Variants in TGFA observed in about 807,000 individuals in gnomAD.
TGFA encodes the protein transforming growth factor alpha.
In TGFA, 12 loss-of-function variants were observed where a neutral mutation model predicts 21.7. That is an observed-to-expected ratio of 0.55 (90% CI 0.35 to 0.90). The LOEUF (loss-of-function observed/expected upper bound fraction) is 0.90, where lower values mean the gene tolerates loss of function less well. Among genes scored for constraint, TGFA ranks in the 40% least tolerant of loss-of-function variants. TGFA has a pLI of 0.01. For synonymous variants in TGFA, 79 were observed against 88.1 expected, an observed-to-expected ratio of 0.90 and a Z score of 0.58; for missense variants, 178 against 210.8, an observed-to-expected ratio of 0.84 and a Z score of 0.96.
At chr2:70,483,123 T>G (rs1032726333) in intron 2 of TGFA, among the ~76,000 whole-genome samples, 18 of 152,254 alleles carry the variant, frequency 1.2e-4, no homozygotes, top group African/African-American at 4.3e-4. Flanking sequence ...TCATGTGCCT[T>G]GTTGAACTCA....
intron 2 of TGFA, among the ~76,000 whole-genome samples, chr2:70,504,406 TACCAAA>T (rs1167923987): frequency 1.7e-5 from 2 of 117,456 alleles, no homozygotes; most frequent in Admixed American, 1.9e-4. Flanking sequence ...CAAGACTCTG[TACCAAA>T]ACCAAAAACA....
At chr2:70,545,395 T>C (rs1363504297) in intron 1 of TGFA, among the ~76,000 whole-genome samples, 1 of 152,192 alleles carries the variant, frequency 6.6e-6, no homozygotes, top group Non-Finnish European at 1.5e-5. Context: ...TTAGTTCCTA[T>C]GCCACAGTAT....
At chr2:70,529,594 CG>C (rs1553503444) in intron 1 of TGFA, among the ~76,000 whole-genome samples, 105 of 134,342 alleles carry the variant, frequency 7.8e-4, no homozygotes, top group African/African-American at 3.6e-3. Context: ...TGAATCCCCC[CG>C]CCCCAGTCCT....
intron 4 of TGFA, among the ~76,000 whole-genome samples, chr2:70,454,479 C>T (rs1670164999): frequency 6.6e-6 from 1 of 152,248 alleles, no homozygotes; most frequent in East Asian, 1.9e-4. Flanking sequence ...GGAAACAGTA[C>T]ATCCCATGCC....
intron 2 of TGFA, among the ~76,000 whole-genome samples, chr2:70,500,459 T>TA (rs59778317): frequency 0.32 from 46,710 of 148,128 alleles, 9,085 homozygotes; most frequent in African/African-American, 0.55. Context: ...AAGCAGAGTT[T>TA]AAAAAAAAAA....
intron 4 of TGFA, among the ~76,000 whole-genome samples, chr2:70,455,986 G>A (rs1264096229): frequency 6.6e-6 from 1 of 152,230 alleles, no homozygotes; most frequent in African/African-American, 2.4e-5. Flanking sequence ...TGGTGCTGAT[G>A]GAAGGAGGCT....
intron 2 of TGFA, among the ~76,000 whole-genome samples, chr2:70,495,349 G>A (rs1332537596): frequency 6.6e-6 from 1 of 152,110 alleles, no homozygotes; most frequent in Non-Finnish European, 1.5e-5. Context: ...AATATTTGGA[G>A]GTACAAATCC....
intron 2 of TGFA, among the ~76,000 whole-genome samples, chr2:70,490,473 C>T (rs1671398901): frequency 6.6e-6 from 1 of 152,232 alleles, no homozygotes; most frequent in Admixed American, 6.5e-5. Context: ...GGATAATGCG[C>T]TTTGCACTGC....
At chr2:70,491,070 A>G (rs1382005055) in intron 2 of TGFA, among the ~76,000 whole-genome samples, 1 of 152,216 alleles carries the variant, frequency 6.6e-6, no homozygotes, top group Non-Finnish European at 1.5e-5. Flanking sequence ...CAGAGGCAGC[A>G]CAGAGTTCAC....
intron 1 of TGFA, among the ~76,000 whole-genome samples, chr2:70,524,632 G>T (rs192404054): frequency 6.6e-6 from 1 of 152,370 alleles, no homozygotes; most frequent in East Asian, 1.9e-4. Context: ...CAGCTGACTG[G>T]CACTGTGACA....
chr2:70,533,331 C>T (rs1380211833), intron 1 of TGFA, among the ~76,000 whole-genome samples: 2 of 152,050 alleles, frequency 1.3e-5, no homozygotes, highest in Admixed American at 6.5e-5. Flanking sequence ...CCTACCCCCA[C>T]CCCCCAACAC....
intron 2 of TGFA, among the ~76,000 whole-genome samples, chr2:70,476,246 T>C (rs1553494353): frequency 1.3e-5 from 2 of 152,218 alleles, no homozygotes; most frequent in African/African-American, 4.8e-5. Context: ...AAGCCCCTTA[T>C]TGTAATTACA....
intron 1 of TGFA, among the ~76,000 whole-genome samples, chr2:70,541,064 C>G (rs1673118987): frequency 6.6e-6 from 1 of 151,986 alleles, no homozygotes; most frequent in Non-Finnish European, 1.5e-5. Flanking sequence ...TATTAAGAGA[C>G]AAAAAAAGTG....
At chr2:70,524,502 C>G (rs538814213) in intron 1 of TGFA, among the ~76,000 whole-genome samples, 1 of 152,246 alleles carries the variant, frequency 6.6e-6, no homozygotes, top group African/African-American at 2.4e-5. Context: ...CGAGTATCGC[C>G]GAGCCCTCTC....
chr2:70,502,541 G>A (rs1429745939), intron 2 of TGFA, among the ~76,000 whole-genome samples: 1 of 152,112 alleles, frequency 6.6e-6, no homozygotes, highest in Non-Finnish European at 1.5e-5. Context: ...GGCTGGTCTT[G>A]AACTCCTGAC....
intron 1 of TGFA, among the ~76,000 whole-genome samples, chr2:70,517,255 G>C (rs1672312270): frequency 6.6e-6 from 1 of 152,206 alleles, no homozygotes; most frequent in African/African-American, 2.4e-5. Context: ...AGAAGAATAG[G>C]TCCTTTCTAT....
intron 2 of TGFA, among the ~76,000 whole-genome samples, chr2:70,499,229 C>G (rs550467148): frequency 5.9e-5 from 9 of 152,208 alleles, no homozygotes; most frequent in African/African-American, 1.4e-4. Flanking sequence ...TATATAGAGG[C>G]CTTCCCGGTC....
At chr2:70,541,064 CA>C (rs1673119078) in intron 1 of TGFA, among the ~76,000 whole-genome samples, 1 of 151,986 alleles carries the variant, frequency 6.6e-6, no homozygotes, top group Admixed American at 6.6e-5. Flanking sequence ...TATTAAGAGA[CA>C]AAAAAAGTGT....
chr2:70,455,891 C>A (rs568688204), intron 4 of TGFA, among the ~76,000 whole-genome samples: 1 of 152,304 alleles, frequency 6.6e-6, no homozygotes, highest in Admixed American at 6.5e-5. Context: ...AAGGGCTGTG[C>A]AGAATGATGG....
Sources: gnomAD v4.1 joint callset for allele counts (sites outside exome capture counted in the v4.1 genomes callset) on GRCh38, gnomAD v4.1.1 for gene constraint, MANE v1.5 for transcripts, NCBI Gene and HGNC (gene_info 2026-07-23, HGNC 2026-07-21) for gene names.